NTS: variants seen among roughly 807,000 people sequenced by gnomAD.
NTS encodes the protein neurotensin/neuromedin N.
NTS carries 20 observed loss-of-function variants against 19.5 expected under a neutral mutation model. The ratio of observed to expected loss-of-function variants is 1.02; its 90% CI spans 0.72 to 1.49. The LOEUF (loss-of-function observed/expected upper bound fraction) is 1.49. NTS is among the 40% of genes most tolerant of loss of function. NTS has a pLI of 0.00. For missense variants in NTS, 215 were observed against 193.1 expected, an observed-to-expected ratio of 1.11 and a Z score of -0.67; for synonymous variants, 71 against 63.3, an observed-to-expected ratio of 1.12 and a Z score of -0.58.
chr12:85,874,519 T>C lies in NTS; in HGVS notation c.73+43T>C, dbSNP rs200829173. The C allele has an allele frequency of 7.9e-6, 11 of 1,399,572 alleles. No individual in the cohort carries two copies. The East Asian group carries it at 2.3e-4, about 29-fold the overall frequency. 86.7% of individuals were successfully genotyped at this position (1,399,572 alleles called of 1,614,324 possible). ...TCACAACTCCCTGAAGTGATTTCTT[T>C]TTTCTCTTTTGCAGTGTGTTGCTAC... On this transcript the variant is annotated intron_variant, in intron 1 of 3. Transcript: ENST00000256010.
intron 1 of NTS, among the ~76,000 whole-genome samples, chr12:85,876,435 T>G (rs1004667694): frequency 1.3e-5 from 2 of 151,958 alleles, no homozygotes; most frequent in Non-Finnish European, 2.9e-5. Context: ...ATATGCTTAT[T>G]TTCTTAGAAG....
intron 3 of NTS, among the ~76,000 whole-genome samples, chr12:85,881,503 T>C (rs150610018): frequency 1.4e-4 from 22 of 152,310 alleles, no homozygotes; most frequent in African/African-American, 5.1e-4. Context: ...TTATGCTTAA[T>C]GTTAGAATGG....
intron 3 of NTS, among the ~76,000 whole-genome samples, chr12:85,881,114 T>C (rs1374129793): frequency 1.3e-5 from 2 of 152,158 alleles, no homozygotes; most frequent in East Asian, 3.8e-4. Flanking sequence ...ATTTTAAATG[T>C]TATTGAGTGA....
At position 85,874,325 on chromosome 12, in the gene NTS, G is replaced by A. The variant is rs1018773322; in HGVS notation, c.-79G>A. The A allele has an allele frequency of 1.0e-6, 1 of 978,264 alleles. No individual in the cohort carries two copies. Among genetic ancestry groups the A allele is most frequent in the Admixed American group, 1.7e-5 (1 of 57,530 alleles). The allele number at this position is 978,264 out of a possible 1,614,324, so 60.6% of individuals were successfully genotyped here. A position where few individuals can be genotyped will look rare whatever the true frequency, so the allele number is the denominator to read the frequency against. ...TCACTCACTTTCAAAGCCAGCTGAAGGAAAGAGGAAGTGCTAGAGAGAGCC... is the reference window on the plus strand; with the variant it reads ...TCACTCACTTTCAAAGCCAGCTGAAAGAAAGAGGAAGTGCTAGAGAGAGCC... On this transcript the variant is annotated 5_prime_UTR_variant, in exon 1 of 4. Transcript: ENST00000256010.
At position 85,875,662 on chromosome 12, in the gene NTS, A is replaced by C. The variant is rs145673512; in HGVS notation, c.74-978A>C. On this transcript the variant is annotated intron_variant, in intron 1 of 3. Transcript: ENST00000256010. ...TGGAAGAAAAACTGGGTTATTGATT[A>C]AGCACTGTGTTTATTAACTTGAAAC... 2.5e-4 allele frequency among the ~76,000 whole-genome samples: 38 copies of C among 152,152 alleles called. 2 individuals carry two copies. The East Asian group carries it at 7.3e-3, about 29-fold the overall frequency.
At chr12:85,878,181 C>A (rs2136591035) in intron 2 of NTS, 164 bp from the exon 3 acceptor site, 1 of 525,090 alleles carries the variant, frequency 1.9e-6, no homozygotes, top group Non-Finnish European at 3.4e-6. Flanking sequence ...GAGATATTGG[C>A]AGTATACAAC....
At chr12:85,878,615 A>G in intron 3 of NTS, 46 bp downstream of exon 3, 1 of 1,096,756 alleles carries the variant, frequency 9.1e-7, no homozygotes, top group Non-Finnish European at 1.3e-6. Context: ...TACACTAGTT[A>G]GCTCTCATTT....
chr12:85,876,124 G>A (rs1042142123), intron 1 of NTS, among the ~76,000 whole-genome samples: 7 of 151,686 alleles, frequency 4.6e-5, no homozygotes, highest in Non-Finnish European at 8.8e-5. Flanking sequence ...TTCTTTCAAC[G>A]TGTGTTTTGT....
intron 2 of NTS, 24 bp from the exon 3 acceptor site, chr12:85,878,321 A>G (rs762555706): frequency 1.3e-6 from 2 of 1,509,630 alleles, no homozygotes; most frequent in Admixed American, 2.0e-5. Flanking sequence ...TTTTAATTGC[A>G]GGGGTTTTTT....
chr12:85,875,606 A>T (rs990297642), intron 1 of NTS, among the ~76,000 whole-genome samples: 1 of 152,076 alleles, frequency 6.6e-6, no homozygotes, highest in Non-Finnish European at 1.5e-5. Context: ...TTTATCTGAA[A>T]GTTATATGAG....
At chr12:85,880,792 A>C (rs1221089809) in intron 3 of NTS, among the ~76,000 whole-genome samples, 1 of 152,110 alleles carries the variant, frequency 6.6e-6, no homozygotes, top group Non-Finnish European at 1.5e-5. Context: ...CTCTACTAAA[A>C]ATACAAAAAA....
In NTS at chr12:85,874,390, T is replaced by G. The variant is rs753494623; in HGVS notation, c.-14T>G. On this transcript the variant is annotated 5_prime_UTR_variant, in exon 1 of 4. Transcript: ENST00000256010. Reference sequence around the variant, plus strand: ...TCTGACTTTTACGGACTTGGCTTGTTAGAAGGCTGAAAGATGATGGCAGGA... The same window carrying G: ...TCTGACTTTTACGGACTTGGCTTGTGAGAAGGCTGAAAGATGATGGCAGGA... 1 of 1,609,526 alleles carries G rather than the reference T, an allele frequency of 6.2e-7. No individual in the cohort carries two copies. The highest frequency in any genetic ancestry group is 1.7e-5 in the Admixed American group (1 of 59,998).
chr12:85,879,116 ATATATTTTTATG>A (rs1325746980), intron 3 of NTS, among the ~76,000 whole-genome samples: 3 of 143,268 alleles, frequency 2.1e-5, no homozygotes, highest in African/African-American at 7.4e-5. Context: ...TGTACGTAAA[ATATATTTTTATG>A]TATATTTTAT....
At position 85,878,472 on chromosome 12, in the gene NTS, A is replaced by T. The variant is rs146401324; in HGVS notation, c.263A>T (p.Lys88Ile). ...GAAGAGGAGCTTGTTGCAAGAAGGA[A>T]ACTTCCTACTGCTTTAGATGGCTTT... ...VHEEELVARRKLPTALDGFSL... is the reference protein window; with the variant it reads ...VHEEELVARRILPTALDGFSL... Residue 88 changes from lysine to isoleucine, a missense_variant, in exon 3 of 4, where the codon AAA becomes ATA. Transcript: ENST00000256010. 5.6e-6 allele frequency: 9 copies of T among 1,613,948 alleles called. No homozygotes were observed. In the African/African-American group the frequency reaches 1.2e-4, roughly 22 times the overall value.
intron 2 of NTS, 67 bp downstream of exon 2, chr12:85,876,768 C>T (rs989327373): frequency 2.5e-6 from 2 of 814,228 alleles, no homozygotes; most frequent in Non-Finnish European, 3.8e-6. Context: ...ACATGGTATC[C>T]TTTTCCCATA....
At chr12:85,874,851 G>A (rs1324751643) in intron 1 of NTS, among the ~76,000 whole-genome samples, 2 of 152,122 alleles carry the variant, frequency 1.3e-5, no homozygotes, top group African/African-American at 4.8e-5. Flanking sequence ...CATTCAAAAT[G>A]TTTTACTCTC....
At chr12:85,874,614 T>A (rs1592548157) in intron 1 of NTS, 138 bp downstream of exon 1, 1 of 536,994 alleles carries the variant, frequency 1.9e-6, no homozygotes, top group Non-Finnish European at 3.4e-6. Context: ...TGACAGAAAC[T>A]GAGTATCTCT....
intron 1 of NTS, among the ~76,000 whole-genome samples, chr12:85,875,351 A>G (rs1881317471): frequency 6.6e-6 from 1 of 152,128 alleles, no homozygotes; most frequent in African/African-American, 2.4e-5. Flanking sequence ...AAAAGAACAC[A>G]TTAGGAAGCA....
At chr12:85,877,397 T>C (rs1052073566) in intron 2 of NTS, among the ~76,000 whole-genome samples, 2 of 142,002 alleles carry the variant, frequency 1.4e-5, no homozygotes, top group African/African-American at 5.3e-5. Flanking sequence ...TATTTTTACA[T>C]GTTCTTTTTT....
Sources: gnomAD v4.1 joint callset for allele counts (sites outside exome capture counted in the v4.1 genomes callset) on GRCh38, gnomAD v4.1.1 for gene constraint, MANE v1.5 for transcripts, NCBI Gene and HGNC (gene_info 2026-07-23, HGNC 2026-07-21) for gene names.